The following FRYL variants were observed in gnomAD, a reference collection of about 807,000 sequenced individuals.
FRYL encodes protein furry homolog-like.
A neutral mutation model predicts 351.2 loss-of-function variants in FRYL; 150 were observed. That is an observed-to-expected ratio of 0.43 (90% CI 0.37 to 0.49). The LOEUF (loss-of-function observed/expected upper bound fraction) is 0.49. Ranked by LOEUF, FRYL falls within the 20% of genes least tolerant of loss-of-function variation. The probability of loss-of-function intolerance (pLI) is 0.00; values close to 1 mark genes in which losing one functional copy is unlikely to be tolerated. For missense variants in FRYL, 3,036 were observed against 3,619.3 expected, an observed-to-expected ratio of 0.84 and a Z score of 4.13; for synonymous variants, 1,153 against 1,257.1, an observed-to-expected ratio of 0.92 and a Z score of 1.75.
chr4:48,595,490 CTA>C lies in FRYL; in HGVS notation c.1248+98_1248+99del, dbSNP rs1215708857. 6.8e-6 allele frequency: 4 copies of C among 586,890 alleles called. No homozygotes were observed. In the South Asian group the frequency reaches 1.1e-4, roughly 17 times the overall value. 36.4% of individuals were successfully genotyped at this position (586,890 alleles called of 1,614,324 possible). A position where few individuals can be genotyped will look rare whatever the true frequency, so the allele number is the denominator to read the frequency against. ...AATAAACTTATTCAATGTTGTATTACTATGTTTTTAGATGCATAAAAAATTTC... is the reference window on the plus strand; with the variant it reads ...AATAAACTTATTCAATGTTGTATTACTGTTTTTAGATGCATAAAAAATTTC... On this transcript the variant is annotated intron_variant, in intron 15 of 63. Transcript: ENST00000358350.
chr4:48,732,896 C>T (rs1770886767), intron 1 of FRYL, among the ~76,000 whole-genome samples: 1 of 145,186 alleles, frequency 6.9e-6, no homozygotes, highest in African/African-American at 2.6e-5. Flanking sequence ...GCACTTTCTG[C>T]ACATGTAACC....
At chr4:48,687,988 G>A (rs1765330581) in intron 2 of FRYL, among the ~76,000 whole-genome samples, 1 of 152,136 alleles carries the variant, frequency 6.6e-6, no homozygotes, top group Non-Finnish European at 1.5e-5. Flanking sequence ...CTTACAGAAT[G>A]TTATAAAAGG....
At chr4:48,658,885 A>G (rs537838195) in intron 3 of FRYL, among the ~76,000 whole-genome samples, 35 of 152,184 alleles carry the variant, frequency 2.3e-4, no homozygotes, top group African/African-American at 7.9e-4. Flanking sequence ...CAATCACTTC[A>G]TATTTTTCTT....
At chr4:48,520,358 T>A (rs1410830474) in intron 55 of FRYL, among the ~76,000 whole-genome samples, 1 of 152,082 alleles carries the variant, frequency 6.6e-6, no homozygotes, top group Admixed American at 6.5e-5. Context: ...AATAATAAGA[T>A]CTGATACCTA....
chr4:48,523,817 A>G (rs1725399377), intron 53 of FRYL, among the ~76,000 whole-genome samples: 1 of 152,260 alleles, frequency 6.6e-6, no homozygotes, highest in South Asian at 2.1e-4. Context: ...AAATACCCAC[A>G]TGCACTTGAC....
At chr4:48,589,673 G>C in intron 18 of FRYL, 72 bp downstream of exon 18, 1 of 1,431,884 alleles carries the variant, frequency 7.0e-7, no homozygotes, top group Non-Finnish European at 9.6e-7. Context: ...TAAGGAGACA[G>C]GTAAGCAAGA....
rs1316664566 is a variant in FRYL at position 48,565,056 on chromosome 4, A to G, written c.3331-13T>C. The G allele has an allele frequency of 1.4e-6, 2 of 1,418,610 alleles. No homozygotes were observed. The highest frequency in any genetic ancestry group is 2.1e-5 in the Admixed American group (1 of 47,796). 87.9% of individuals were successfully genotyped at this position (1,418,610 alleles called of 1,614,324 possible). A position where few individuals can be genotyped will look rare whatever the true frequency, so the allele number is the denominator to read the frequency against. On this transcript the variant is annotated splice_polypyrimidine_tract_variant and intron_variant, in intron 29 of 63. Transcript: ENST00000358350. ...CAGCAGACATAGCCTTCAAATAATA[A>G]TATTAGAATTACATTTAACAAATTT...
chr4:48,577,950 A>G (rs1228468843), intron 23 of FRYL, among the ~76,000 whole-genome samples: 1 of 151,628 alleles, frequency 6.6e-6, no homozygotes, highest in Non-Finnish European at 1.5e-5. Flanking sequence ...ACATATATAT[A>G]CAATTAGCAT....
chr4:48,704,495 C>A (rs376695578), intron 2 of FRYL, among the ~76,000 whole-genome samples: 1 of 152,162 alleles, frequency 6.6e-6, no homozygotes. Context: ...CTAGCAATAC[C>A]CAAGCTTTTA....
chr4:48,566,749 T>A (rs1466828357), intron 28 of FRYL, among the ~76,000 whole-genome samples: 1 of 152,234 alleles, frequency 6.6e-6, no homozygotes, highest in African/African-American at 2.4e-5. Context: ...ATTTAACTTT[T>A]AAAAATGTAA....
chr4:48,612,313 C>T (rs759699241), intron 7 of FRYL, among the ~76,000 whole-genome samples: 1 of 152,024 alleles, frequency 6.6e-6, no homozygotes, highest in Non-Finnish European at 1.5e-5. Context: ...CGTAATAAAC[C>T]TTTTGACCCT....
In FRYL at chr4:48,589,840, T is replaced by G. The variant is rs1376777904; in HGVS notation, c.1545A>C (p.Leu515Phe). ...SVYYPQVRKALDSILRHLDKE... is the reference protein window; with the variant it reads ...SVYYPQVRKAFDSILRHLDKE... Reference sequence around the variant, plus strand: ...TGTCCAAATGTCTGAGGATGCTATCTAATGCTTTTCTTACTTGAGGATAGT... The same window carrying G: ...TGTCCAAATGTCTGAGGATGCTATCGAATGCTTTTCTTACTTGAGGATAGT... Residue 515 changes from leucine to phenylalanine, a missense_variant, in exon 18 of 64, where the codon TTA (leucine) becomes TTC (phenylalanine). By Grantham distance (22) the Leu-to-Phe change is conservative. Coordinates refer to ENST00000358350, the MANE Select transcript of FRYL (RefSeq NM_015030.2). The G allele has an allele frequency of 1.2e-6, 2 of 1,613,514 alleles. No individual in the cohort carries two copies. Among genetic ancestry groups the G allele is most frequent in the African/African-American group, 1.3e-5 (1 of 74,930 alleles).
intron 1 of FRYL, among the ~76,000 whole-genome samples, chr4:48,757,413 G>T (rs937754851): frequency 2.0e-5 from 3 of 151,768 alleles, no homozygotes; most frequent in Admixed American, 2.0e-4. Flanking sequence ...AAAATCAATG[G>T]GCAAAAATCA....
At chr4:48,777,992 C>A (rs1776206427) in intron 1 of FRYL, among the ~76,000 whole-genome samples, 1 of 152,074 alleles carries the variant, frequency 6.6e-6, no homozygotes, top group South Asian at 2.1e-4. Flanking sequence ...TGGAGACCAG[C>A]CGTCTATACG....
intron 3 of FRYL, among the ~76,000 whole-genome samples, chr4:48,679,643 G>A (rs1255508516): frequency 6.6e-6 from 1 of 151,084 alleles, no homozygotes; most frequent in Non-Finnish European, 1.5e-5. Flanking sequence ...GATGACCATA[G>A]TAATAATATA....
intron 4 of FRYL, among the ~76,000 whole-genome samples, chr4:48,631,575 A>G (rs532578581): frequency 4.1e-4 from 63 of 152,238 alleles, no homozygotes; most frequent in African/African-American, 1.4e-3. Context: ...GCAGTGCCAC[A>G]GATACAGAGA....
At chr4:48,724,583 G>T (rs77310780) in intron 1 of FRYL, among the ~76,000 whole-genome samples, 8 of 152,094 alleles carry the variant, frequency 5.3e-5, no homozygotes, top group Admixed American at 5.2e-4. Context: ...GGTGCGGGGG[G>T]GCTGTCTTGT....
At chr4:48,635,249 G>A (rs1480986686) in intron 3 of FRYL, among the ~76,000 whole-genome samples, 2 of 152,158 alleles carry the variant, frequency 1.3e-5, no homozygotes, top group Non-Finnish European at 2.9e-5. Flanking sequence ...GAGAGGGATA[G>A]AATCTGGCTT....
At chr4:48,720,512 A>G (rs1314551051) in intron 1 of FRYL, among the ~76,000 whole-genome samples, 1 of 152,102 alleles carries the variant, frequency 6.6e-6, no homozygotes, top group Admixed American at 6.5e-5. Context: ...AATAAAATAA[A>G]TAAATAAATA....
Sources: allele counts gnomAD v4.1 joint callset (sites outside exome capture counted in the v4.1 genomes callset), GRCh38; gene constraint gnomAD v4.1.1; transcripts MANE v1.5; gene names NCBI Gene and HGNC (gene_info 2026-07-23, HGNC 2026-07-21).